PDE4B: variants seen among roughly 807,000 people sequenced by gnomAD.
The protein encoded by PDE4B is phosphodiesterase 4B.
A neutral mutation model predicts 82.2 loss-of-function variants in PDE4B; 20 were observed. The ratio of observed to expected loss-of-function variants is 0.24; its 90% CI spans 0.17 to 0.35. PDE4B has a LOEUF of 0.35. Among genes scored for constraint, PDE4B ranks in the 10% least tolerant of loss-of-function variants. The pLI is 1.00. For missense variants in PDE4B, 655 were observed against 907.2 expected (o/e 0.72, Z 3.57); for synonymous variants, 320 against 318.9 (o/e 1.00, Z -0.04).
chr1:66,148,750 A>G (rs1646324220), intron 3 of PDE4B, among the ~76,000 whole-genome samples: 1 of 152,198 alleles, frequency 6.6e-6, no homozygotes, highest in Admixed American at 6.5e-5. Context: ...AAAAAATGAA[A>G]TCTTACAGTA....
chr1:66,293,675 C>T (rs541006976), intron 7 of PDE4B, among the ~76,000 whole-genome samples: 1 of 152,264 alleles, frequency 6.6e-6, no homozygotes, highest in Non-Finnish European at 1.5e-5. Flanking sequence ...TTCAACATTG[C>T]ATCTTCTATT....
chr1:66,096,514 AT>A (rs1557557834), intron 3 of PDE4B, among the ~76,000 whole-genome samples: 1 of 135,216 alleles, frequency 7.4e-6, no homozygotes, highest in Non-Finnish European at 1.6e-5. Flanking sequence ...AAAATTATAT[AT>A]ATATATATAT....
chr1:66,119,750 C>G (rs1026886739), intron 3 of PDE4B, among the ~76,000 whole-genome samples: 1 of 152,152 alleles, frequency 6.6e-6, no homozygotes, highest in Non-Finnish European at 1.5e-5. Flanking sequence ...TTACCTTATT[C>G]AGAAATAAGG....
At chr1:66,016,811 A>G (rs957483913) in intron 3 of PDE4B, among the ~76,000 whole-genome samples, 8 of 152,232 alleles carry the variant, frequency 5.3e-5, no homozygotes, top group Admixed American at 3.9e-4. Context: ...AAGGGCTTCA[A>G]TGCTTGCTTT....
At chr1:66,312,657 A>T (rs891330788) in intron 7 of PDE4B, among the ~76,000 whole-genome samples, 1 of 152,224 alleles carries the variant, frequency 6.6e-6, no homozygotes, top group African/African-American at 2.4e-5. Context: ...GGTTGCAGGG[A>T]TTAGGATGCA....
At chr1:65,999,015 TA>T (rs1375907184) in intron 3 of PDE4B, among the ~76,000 whole-genome samples, 1 of 152,172 alleles carries the variant, frequency 6.6e-6, no homozygotes, top group Non-Finnish European at 1.5e-5. Context: ...CCTGGCCTTT[TA>T]GTGTCATCAA....
At chr1:66,196,965 T>C (rs1358428166) in intron 3 of PDE4B, among the ~76,000 whole-genome samples, 1 of 151,684 alleles carries the variant, frequency 6.6e-6, no homozygotes, top group Non-Finnish European at 1.5e-5. Flanking sequence ...ATAACAATAA[T>C]AAAAAATAAC....
intron 1 of PDE4B, among the ~76,000 whole-genome samples, chr1:65,868,914 A>G (rs1182814428): frequency 6.6e-6 from 1 of 151,848 alleles, no homozygotes; most frequent in Non-Finnish European, 1.5e-5. Context: ...TCATCCTGAA[A>G]CCACCTCCCT....
chr1:66,139,474 T>C (rs770642674), intron 3 of PDE4B, among the ~76,000 whole-genome samples: 1 of 152,082 alleles, frequency 6.6e-6, no homozygotes, highest in Non-Finnish European at 1.5e-5. Flanking sequence ...CTCCCTCCAG[T>C]AGGAGAATGT....
intron 8 of PDE4B, among the ~76,000 whole-genome samples, chr1:66,350,338 G>A (rs1023617929): frequency 1.3e-5 from 2 of 152,100 alleles, no homozygotes; most frequent in Non-Finnish European, 2.9e-5. Flanking sequence ...CCACCCACAA[G>A]AGTAACTAAC....
At chr1:66,039,070 G>T (rs2100821394) in intron 3 of PDE4B, among the ~76,000 whole-genome samples, 1 of 152,076 alleles carries the variant, frequency 6.6e-6, no homozygotes, top group Non-Finnish European at 1.5e-5. Flanking sequence ...ACAATGAATT[G>T]TTTATGTTCT....
chr1:65,928,851 C>G (rs1647667199), intron 3 of PDE4B, among the ~76,000 whole-genome samples: 1 of 152,130 alleles, frequency 6.6e-6, no homozygotes, highest in African/African-American at 2.4e-5. Context: ...GCTAACCAAG[C>G]AAATAAACTA....
At chr1:65,962,633 T>A (rs1315809245) in intron 3 of PDE4B, among the ~76,000 whole-genome samples, 1 of 152,118 alleles carries the variant, frequency 6.6e-6, no homozygotes, top group East Asian at 1.9e-4. Flanking sequence ...TAGGAAGCTA[T>A]CTACAGAAAG....
chr1:66,040,526 A>AT (rs1376051482), intron 3 of PDE4B, among the ~76,000 whole-genome samples: 3 of 152,016 alleles, frequency 2.0e-5, no homozygotes, highest in Non-Finnish European at 4.4e-5. Context: ...TAGGAAAAAA[A>AT]GGTTGCTTGT....
intron 3 of PDE4B, among the ~76,000 whole-genome samples, chr1:66,027,754 C>G (rs904178130): frequency 1.3e-5 from 2 of 152,140 alleles, no homozygotes; most frequent in Non-Finnish European, 2.9e-5. Context: ...CAAAATCCAA[C>G]GGGGCAGTCA....
rs552939706 is a variant in PDE4B at position 65,865,049 on chromosome 1, G to A, written c.-70-48196G>A. On this transcript the variant is annotated intron_variant, in intron 1 of 16. Transcript: ENST00000341517. ...TTTTATCTATAAGCCCCTGTATGGG[G>A]CTGCTGCCTTTCCTTCAGAGATGCA... 2.6e-5 allele frequency among the ~76,000 whole-genome samples: 4 copies of A among 152,320 alleles called. No homozygotes were observed. The East Asian group carries it at 7.7e-4, about 29-fold the overall frequency.
At chr1:66,102,480 T>G (rs75499480) in intron 3 of PDE4B, among the ~76,000 whole-genome samples, 4,355 of 152,144 alleles carry the variant, frequency 0.029, 231 homozygotes, top group African/African-American at 0.098. Context: ...AGCAGTATTG[T>G]TGGTTTAGAG....
chr1:65,892,932 TA>T (rs1237331955), intron 1 of PDE4B, among the ~76,000 whole-genome samples: 1 of 152,026 alleles, frequency 6.6e-6, no homozygotes, highest in Non-Finnish European at 1.5e-5. Context: ...TTTCATAAAT[TA>T]AAAAAGTACC....
intron 3 of PDE4B, among the ~76,000 whole-genome samples, chr1:66,172,581 G>C (rs1646857605): frequency 6.6e-6 from 1 of 152,152 alleles, no homozygotes; most frequent in Admixed American, 6.6e-5. Flanking sequence ...ATATATAAGT[G>C]TTCCCTTTTC....
Sources: gnomAD v4.1 joint callset for allele counts (sites outside exome capture counted in the v4.1 genomes callset) on GRCh38, gnomAD v4.1.1 for gene constraint, MANE v1.5 for transcripts, NCBI Gene and HGNC (gene_info 2026-07-23, HGNC 2026-07-21) for gene names.